POFUT3: variants seen among roughly 807,000 people sequenced by gnomAD.
The protein encoded by POFUT3 is GDP-fucose protein O-fucosyltransferase 3.
chr8:33,393,015 T>C, the POFUT3 span, among the ~76,000 whole-genome samples: 7 of 152,008 alleles, frequency 4.6e-5, no homozygotes, highest in Non-Finnish European at 8.8e-5. Flanking sequence ...AAAAGAACCA[T>C]GACCAACCTA....
At chr8:33,319,452 A>G in the POFUT3 span, among the ~76,000 whole-genome samples, 3 of 51,680 alleles carry the variant, frequency 5.8e-5, no homozygotes, top group Non-Finnish European at 2.9e-5. Context: ...TATTTATATA[A>G]TATATAAATG....
At chr8:33,358,860 C>T in the POFUT3 span, among the ~76,000 whole-genome samples, 1 of 151,862 alleles carries the variant, frequency 6.6e-6, no homozygotes, top group African/African-American at 2.4e-5. Flanking sequence ...AGAAGGAGAC[C>T]CCAGAGAAAC....
the POFUT3 span, among the ~76,000 whole-genome samples, chr8:33,315,568 G>A: frequency 2.2e-4 from 34 of 152,194 alleles, no homozygotes; most frequent in East Asian, 6.0e-3. Flanking sequence ...GTCCTGCCTT[G>A]TCTTCAGGAG....
the POFUT3 span, among the ~76,000 whole-genome samples, chr8:33,326,613 C>G: frequency 3.6e-3 from 548 of 152,314 alleles, 4 homozygotes; most frequent in African/African-American, 0.012. Flanking sequence ...AGCACACACA[C>G]AGTCAAGGAG....
chr8:33,452,687 AAC>A, the POFUT3 span: 2,905 of 148,448 alleles, frequency 0.02, 50 homozygotes, highest in East Asian at 0.061. Flanking sequence ...TTGTTACACA[AAC>A]ACACACACAC....
the POFUT3 span, among the ~76,000 whole-genome samples, chr8:33,414,904 C>T: frequency 2.0e-5 from 3 of 151,222 alleles, no homozygotes; most frequent in Non-Finnish European, 2.9e-5. Flanking sequence ...CTTCAATATG[C>T]GAGCTAAATG....
At chr8:33,331,956 G>C in the POFUT3 span, among the ~76,000 whole-genome samples, 1 of 151,324 alleles carries the variant, frequency 6.6e-6, no homozygotes, top group South Asian at 2.1e-4. Flanking sequence ...GATTACAGGC[G>C]GAGCCACCGC....
the POFUT3 span, among the ~76,000 whole-genome samples, chr8:33,407,403 A>G: frequency 6.6e-6 from 1 of 152,224 alleles, no homozygotes; most frequent in Non-Finnish European, 1.5e-5. Flanking sequence ...CGAAATCATA[A>G]TAATTATTAA....
chr8:33,335,392 T>C, the POFUT3 span, among the ~76,000 whole-genome samples: 4 of 152,208 alleles, frequency 2.6e-5, no homozygotes, highest in Non-Finnish European at 5.9e-5. Flanking sequence ...AGCATGGAAT[T>C]TGGCAATGAA....
At chr8:33,313,928 TG>T in the POFUT3 span, among the ~76,000 whole-genome samples, 1 of 152,136 alleles carries the variant, frequency 6.6e-6, no homozygotes, top group Non-Finnish European at 1.5e-5. Flanking sequence ...TCCTCCCTCT[TG>T]ATTTCATTAG....
the POFUT3 span, among the ~76,000 whole-genome samples, chr8:33,363,332 C>T: frequency 1.1e-4 from 16 of 152,046 alleles, no homozygotes; most frequent in South Asian, 8.3e-4. Context: ...GATCTAAAAT[C>T]GACACCCTAA....
chr8:33,352,317 GA>G, the POFUT3 span, among the ~76,000 whole-genome samples: 2 of 152,228 alleles, frequency 1.3e-5, no homozygotes, highest in Non-Finnish European at 2.9e-5. Flanking sequence ...CTCAGCCGGA[GA>G]ATGAAGGGGC....
At chr8:33,394,754 A>T in the POFUT3 span, among the ~76,000 whole-genome samples, 2 of 152,178 alleles carry the variant, frequency 1.3e-5, no homozygotes, top group Non-Finnish European at 2.9e-5. Flanking sequence ...CAGAATTTAA[A>T]GCAGAGACTT....
chr8:33,468,522 T>C, the POFUT3 span, among the ~76,000 whole-genome samples: 1 of 152,202 alleles, frequency 6.6e-6, no homozygotes. Context: ...CCCAAGGTGT[T>C]TTCACTGGAT....
chr8:33,334,511 C>A, the POFUT3 span, among the ~76,000 whole-genome samples: 2 of 152,146 alleles, frequency 1.3e-5, no homozygotes, highest in African/African-American at 4.8e-5. Context: ...CCACAGTACC[C>A]GGCCGAGTTG....
chr8:33,331,288 C>T, the POFUT3 span, among the ~76,000 whole-genome samples: 3 of 151,238 alleles, frequency 2.0e-5, no homozygotes, highest in Admixed American at 6.6e-5. Flanking sequence ...GAGCTGAGAT[C>T]GCGCCATTGC....
chr8:33,447,326 G>A, the POFUT3 span, among the ~76,000 whole-genome samples: 3 of 152,274 alleles, frequency 2.0e-5, no homozygotes, highest in South Asian at 6.2e-4. Flanking sequence ...GCGGGTGCCT[G>A]TAGTCCCAGC....
chr8:33,312,281 G>C, the POFUT3 span, among the ~76,000 whole-genome samples: 5 of 142,680 alleles, frequency 3.5e-5, no homozygotes, highest in Non-Finnish European at 7.4e-5. Context: ...AAGAAATAGA[G>C]AGAGAGAGAG....
At chr8:33,350,314 G>T in the POFUT3 span, among the ~76,000 whole-genome samples, 5 of 152,074 alleles carry the variant, frequency 3.3e-5, no homozygotes, top group Non-Finnish European at 5.9e-5. Flanking sequence ...GATTCATCTT[G>T]GCTGAAGGTA....
Sources: allele counts gnomAD v4.1 joint callset (sites outside exome capture counted in the v4.1 genomes callset), GRCh38; gene constraint gnomAD v4.1.1; transcripts MANE v1.5; gene names NCBI Gene and HGNC (gene_info 2026-07-23, HGNC 2026-07-21).